The following UNC5D variants were observed in gnomAD, a reference collection of about 807,000 sequenced individuals.
The protein encoded by UNC5D is netrin receptor UNC5D.
In UNC5D, 39 loss-of-function variants were observed where a neutral mutation model predicts 105.4. The observed-to-expected ratio is 0.37, with a 90% confidence interval of 0.29 to 0.48. The LOEUF (loss-of-function observed/expected upper bound fraction) is 0.48. Ranked by LOEUF, UNC5D falls within the 20% of genes least tolerant of loss-of-function variation. UNC5D has a pLI of 0.98. For synonymous variants in UNC5D, 452 were observed against 450.4 expected (o/e 1.00, Z -0.04); for missense variants, 991 against 1,202.4 (o/e 0.82, Z 2.60).
chr8:35,676,464 G>A (rs1032966110), intron 4 of UNC5D, among the ~76,000 whole-genome samples: 8 of 152,184 alleles, frequency 5.3e-5, no homozygotes, highest in Non-Finnish European at 2.9e-5. Context: ...CTGTTAGCAG[G>A]AGGTCATGTG....
Position 35,525,759 on chromosome 8 carries a change from G to A in UNC5D, c.104-23533G>A, listed in dbSNP as rs543644902. Reference sequence around the variant, plus strand: ...GCTGAAGTACTCGCCCGGAGGAGCCGCCATCTTGGGAGTGCCGTAATGTGC... The same window carrying A: ...GCTGAAGTACTCGCCCGGAGGAGCCACCATCTTGGGAGTGCCGTAATGTGC... On this transcript the variant is annotated intron_variant, in intron 1 of 16. Transcript: ENST00000404895. 7.1e-6 allele frequency: 11 copies of A among 1,553,758 alleles called. No individual in the cohort carries two copies. In the East Asian group the frequency reaches 1.7e-4, roughly 24 times the overall value.
rs556835019 is a variant in UNC5D, at chr8:35,379,756, G to A, written c.103+143869G>A. Reference sequence around the variant, plus strand: ...AAATTAAGGTTCATAGTTACACAAAGGTGTGTATGAGGAGAGACAAAGGGA... The same window carrying A: ...AAATTAAGGTTCATAGTTACACAAAAGTGTGTATGAGGAGAGACAAAGGGA... On this transcript the variant is annotated intron_variant, in intron 1 of 16. Transcript: ENST00000404895. Among the ~76,000 whole-genome samples the A allele has an allele frequency of 2.6e-5, 4 of 152,148 alleles. No homozygotes were observed. The South Asian group carries it at 8.3e-4, about 32-fold the overall frequency.
intron 1 of UNC5D, among the ~76,000 whole-genome samples, chr8:35,305,577 T>TTTCTTTCTTTC (rs1808284926): frequency 9.3e-5 from 5 of 53,998 alleles, no homozygotes; most frequent in African/African-American, 2.6e-4. Flanking sequence ...CTTTCTTTCT[T>TTTCTTTCTTTC]TTTCTTTCTT....
Position 35,595,665 on chromosome 8 carries a change from A to G in UNC5D, c.570+8A>G, listed in dbSNP as rs1819445701. 1 of 1,613,658 alleles carries G rather than the reference A, an allele frequency of 6.2e-7. No individual in the cohort carries two copies. The highest frequency in any genetic ancestry group is 8.5e-7 in the Non-Finnish European group (1 of 1,179,642). ...GGAGTCCCTGCTGCCGAGGTAAGACAGGATCCTGGGACCAGTCACCGGGAG... is the reference window on the plus strand; with the variant it reads ...GGAGTCCCTGCTGCCGAGGTAAGACGGGATCCTGGGACCAGTCACCGGGAG... On this transcript the variant is annotated splice_region_variant and intron_variant, in intron 4 of 16. Transcript: ENST00000404895.
chr8:35,681,745 A>G (rs1208298976), intron 4 of UNC5D, among the ~76,000 whole-genome samples: 1 of 152,076 alleles, frequency 6.6e-6, no homozygotes, highest in Non-Finnish European at 1.5e-5. Context: ...TAGTTCTCAG[A>G]TCTCTTCCTT....
chr8:35,548,749 G>A (rs1216432053), intron 1 of UNC5D, among the ~76,000 whole-genome samples: 2 of 152,172 alleles, frequency 1.3e-5, no homozygotes, highest in African/African-American at 4.8e-5. Context: ...GAGCTGGTGA[G>A]TTATCCAAGA....
At chr8:35,666,199 T>C (rs1824411677) in intron 4 of UNC5D, among the ~76,000 whole-genome samples, 1 of 151,856 alleles carries the variant, frequency 6.6e-6, no homozygotes, top group Non-Finnish European at 1.5e-5. Context: ...TATGAAGAAA[T>C]AATATGGAAA....
At chr8:35,725,529 T>C (rs577688388) in intron 9 of UNC5D, among the ~76,000 whole-genome samples, 1 of 152,068 alleles carries the variant, frequency 6.6e-6, no homozygotes, top group East Asian at 1.9e-4. Context: ...CCTCGCAGAG[T>C]GACATATGAG....
In UNC5D at chr8:35,274,860, C is replaced by T. The variant is rs537548826; in HGVS notation, c.103+38973C>T. ...TATATTTTTCTTTGGGAAGCCAAGG[C>T]AGGTGGATCACCTGAGGTTGGGAGT... On this transcript the variant is annotated intron_variant, in intron 1 of 16. Coordinates refer to ENST00000404895, the MANE Select transcript of UNC5D (RefSeq NM_080872.4). Among the ~76,000 whole-genome samples the T allele has an allele frequency of 3.4e-3, 523 of 152,004 alleles. 6 individuals are homozygous for T. Among genetic ancestry groups the T allele is most frequent in the African/African-American group, 0.012 (508 of 41,476 alleles).
At chr8:35,268,844 T>A (rs889810494) in intron 1 of UNC5D, among the ~76,000 whole-genome samples, 1 of 152,122 alleles carries the variant, frequency 6.6e-6, no homozygotes, top group Non-Finnish European at 1.5e-5. Flanking sequence ...GGTCCCTACA[T>A]AGATAAGAAG....
intron 1 of UNC5D, among the ~76,000 whole-genome samples, chr8:35,460,761 T>G (rs574596630): frequency 6.6e-6 from 1 of 152,200 alleles, no homozygotes; most frequent in Admixed American, 6.5e-5. Flanking sequence ...TTTGTTTGTT[T>G]GTTTGTTTTG....
intron 1 of UNC5D, among the ~76,000 whole-genome samples, chr8:35,271,999 G>T (rs1167798721): frequency 6.6e-6 from 1 of 151,926 alleles, no homozygotes; most frequent in Non-Finnish European, 1.5e-5. Flanking sequence ...AGCTGCACGT[G>T]CTGTAGAGCC....
intron 7 of UNC5D, among the ~76,000 whole-genome samples, chr8:35,687,303 G>C (rs901947491): frequency 1.3e-5 from 2 of 152,136 alleles, no homozygotes; most frequent in African/African-American, 4.8e-5. Context: ...TTAGCCAGGC[G>C]TGGTGGTGGG....
At chr8:35,358,190 A>G (rs1339457320) in intron 1 of UNC5D, among the ~76,000 whole-genome samples, 2 of 152,170 alleles carry the variant, frequency 1.3e-5, no homozygotes, top group East Asian at 3.9e-4. Context: ...ATAAAGATAC[A>G]TACATGCGTA....
At chr8:35,559,771 A>G (rs956575986) in intron 2 of UNC5D, among the ~76,000 whole-genome samples, 7 of 152,148 alleles carry the variant, frequency 4.6e-5, no homozygotes, top group African/African-American at 1.7e-4. Context: ...TCTTCCTTGC[A>G]CAGTGAAGCA....
intron 1 of UNC5D, among the ~76,000 whole-genome samples, chr8:35,266,390 C>G (rs1197186404): frequency 6.6e-6 from 1 of 152,094 alleles, no homozygotes; most frequent in African/African-American, 2.4e-5. Flanking sequence ...ATAGTAAATA[C>G]TGTTGAAGAT....
At chr8:35,371,247 T>A (rs535048763) in intron 1 of UNC5D, among the ~76,000 whole-genome samples, 1 of 152,208 alleles carries the variant, frequency 6.6e-6, no homozygotes, top group Non-Finnish European at 1.5e-5. Flanking sequence ...GCATTTTAGA[T>A]ATGTTCTGAT....
At chr8:35,299,845 A>T (rs1453289884) in intron 1 of UNC5D, among the ~76,000 whole-genome samples, 1 of 152,200 alleles carries the variant, frequency 6.6e-6, no homozygotes, top group Admixed American at 6.6e-5. Flanking sequence ...ACTGTAAAAT[A>T]GAGTGAGGAA....
At chr8:35,636,971 G>A (rs554359651) in intron 4 of UNC5D, among the ~76,000 whole-genome samples, 154 of 152,154 alleles carry the variant, frequency 1.0e-3, no homozygotes, top group Non-Finnish European at 1.9e-3. Flanking sequence ...CATTCTGACT[G>A]CCCGTCAAAT....
Sources: allele counts gnomAD v4.1 joint callset (sites outside exome capture counted in the v4.1 genomes callset), GRCh38; gene constraint gnomAD v4.1.1; transcripts MANE v1.5; gene names NCBI Gene and HGNC (gene_info 2026-07-23, HGNC 2026-07-21).